The following CNBD1 variants were observed in gnomAD, a reference collection of about 807,000 sequenced individuals.
CNBD1 encodes the protein cyclic nucleotide binding domain containing 1.
CNBD1 carries 71 observed loss-of-function variants against 54.4 expected under a neutral mutation model. The observed-to-expected ratio is 1.30, with a 90% CI of 1.08 to 1.59. The LOEUF (loss-of-function observed/expected upper bound fraction) is 1.59. Among genes scored for constraint, CNBD1 ranks in the 40% most tolerant of loss-of-function variants. The pLI is 0.00. For missense variants in CNBD1, 659 were observed against 518.0 expected (o/e 1.27, Z -2.64); for synonymous variants, 182 against 170.7 (o/e 1.07, Z -0.51).
chr8:86,912,343 A>T (rs957068864), intron 3 of CNBD1, among the ~76,000 whole-genome samples: 2 of 152,178 alleles, frequency 1.3e-5, no homozygotes, highest in Non-Finnish European at 2.9e-5. Context: ...GAAACCAATG[A>T]TGTATTTGAA....
chr8:87,036,247 G>C (rs956731039), intron 4 of CNBD1, among the ~76,000 whole-genome samples: 1 of 151,862 alleles, frequency 6.6e-6, no homozygotes, highest in Admixed American at 6.6e-5. Context: ...TTTCTTCCTC[G>C]TATTTTAAAA....
chr8:86,957,269 G>A (rs903497753), intron 4 of CNBD1, among the ~76,000 whole-genome samples: 6 of 152,130 alleles, frequency 3.9e-5, no homozygotes, highest in Admixed American at 6.5e-5. Flanking sequence ...TGTTCATCAG[G>A]GATATTGATC....
chr8:87,232,182 G>C (rs1807456790), intron 5 of CNBD1, among the ~76,000 whole-genome samples: 1 of 152,020 alleles, frequency 6.6e-6, no homozygotes, highest in African/African-American at 2.4e-5. Context: ...TCTTCCAGAG[G>C]GACACCTGAG....
chr8:86,958,384 C>T (rs1036107270), intron 4 of CNBD1, among the ~76,000 whole-genome samples: 1 of 152,100 alleles, frequency 6.6e-6, no homozygotes. Context: ...TGGATATCCA[C>T]ATTAACTTCC....
At chr8:87,091,159 A>G (rs1394039353) in intron 4 of CNBD1, among the ~76,000 whole-genome samples, 2 of 151,238 alleles carry the variant, frequency 1.3e-5, no homozygotes, top group Non-Finnish European at 2.9e-5. Context: ...AAAAAAAAAA[A>G]AGTTAATCTA....
At chr8:87,392,637 T>C (rs550188661) in intron 2 of CNBD1, among the ~76,000 whole-genome samples, 1 of 152,084 alleles carries the variant, frequency 6.6e-6, no homozygotes, top group Admixed American at 6.6e-5. Flanking sequence ...TAGCTGTTGC[T>C]AGGCATGAGG....
chr8:87,034,154 G>C (rs1343202719), intron 4 of CNBD1, among the ~76,000 whole-genome samples: 1 of 152,146 alleles, frequency 6.6e-6, no homozygotes, highest in Non-Finnish European at 1.5e-5. Context: ...TGAAATGTCA[G>C]GCAACTGCAG....
chr8:86,896,918 A>C (rs775810150), intron 2 of CNBD1, among the ~76,000 whole-genome samples: 1 of 152,218 alleles, frequency 6.6e-6, no homozygotes, highest in Non-Finnish European at 1.5e-5. Flanking sequence ...ATCATCAAAA[A>C]AAATTAAAAT....
chr8:86,956,429 C>T (rs1165473238), intron 4 of CNBD1, among the ~76,000 whole-genome samples: 1 of 152,096 alleles, frequency 6.6e-6, no homozygotes, highest in Non-Finnish European at 1.5e-5. Flanking sequence ...GGCAGTATGA[C>T]CATTTTCACG....
intron 6 of CNBD1, among the ~76,000 whole-genome samples, chr8:87,277,534 C>T (rs1158754899): frequency 6.6e-6 from 1 of 151,600 alleles, no homozygotes; most frequent in African/African-American, 2.4e-5. Flanking sequence ...TATGTAGCTA[C>T]AAATTTAAGA....
chr8:87,210,017 T>G (rs1366352134), intron 5 of CNBD1, among the ~76,000 whole-genome samples: 1 of 152,188 alleles, frequency 6.6e-6, no homozygotes. Flanking sequence ...TATAAGGTGC[T>G]CTTCCCACTT....
chr8:86,948,405 T>A (rs1027643369), intron 4 of CNBD1, among the ~76,000 whole-genome samples: 1 of 152,128 alleles, frequency 6.6e-6, no homozygotes, highest in African/African-American at 2.4e-5. Flanking sequence ...TTTCTCCGCA[T>A]CCTCACCAGC....
At chr8:87,231,855 A>G (rs766063681) in intron 5 of CNBD1, among the ~76,000 whole-genome samples, 1 of 152,046 alleles carries the variant, frequency 6.6e-6, no homozygotes, top group Non-Finnish European at 1.5e-5. Context: ...TGTATCCCAG[A>G]TCCTTAGCAA....
chr8:87,392,676 T>C (rs7823006), intron 2 of CNBD1, among the ~76,000 whole-genome samples: 85,934 of 151,696 alleles, frequency 0.57, 25,863 homozygotes, highest in African/African-American at 0.77. Context: ...GAAGAGTGGC[T>C]ACTAAATCAT....
intron 4 of CNBD1, among the ~76,000 whole-genome samples, chr8:87,111,169 C>T (rs1384523652): frequency 6.6e-6 from 1 of 152,180 alleles, no homozygotes; most frequent in East Asian, 1.9e-4. Context: ...TTGCACTTGG[C>T]TTTTCCTGTA....
At chr8:87,384,833 G>T (rs888104912), downstream of CNBD1, among the ~76,000 whole-genome samples, 4 of 152,148 alleles carry the variant, frequency 2.6e-5, no homozygotes, top group African/African-American at 7.2e-5. Flanking sequence ...ATCTGAGGTG[G>T]ATCATGCATG....
intron 8 of CNBD1, among the ~76,000 whole-genome samples, chr8:87,295,323 GTTTAA>G (rs1209823592): frequency 6.6e-6 from 1 of 151,786 alleles, no homozygotes; most frequent in African/African-American, 2.4e-5. Flanking sequence ...AAAGTATATA[GTTTAA>G]TTTCTTACTC....
chr8:87,345,903 A>T (rs112681030), intron 8 of CNBD1, among the ~76,000 whole-genome samples: 2,840 of 152,284 alleles, frequency 0.019, 90 homozygotes, highest in African/African-American at 0.062. Context: ...GAGGTGACTA[A>T]TTAATTTCTA....
chr8:87,224,962 C>A (rs991724537), intron 5 of CNBD1, among the ~76,000 whole-genome samples: 1 of 152,100 alleles, frequency 6.6e-6, no homozygotes. Flanking sequence ...CCTTCACATC[C>A]CTTGTAAGTT....
Sources: gnomAD v4.1 joint callset for allele counts (sites outside exome capture counted in the v4.1 genomes callset) on GRCh38, gnomAD v4.1.1 for gene constraint, MANE v1.5 for transcripts, NCBI Gene and HGNC (gene_info 2026-07-23, HGNC 2026-07-21) for gene names.